Variants in PDLIM5 observed in about 807,000 individuals in gnomAD.
PDLIM5 encodes PDZ and LIM domain protein 5.
In PDLIM5, 34 loss-of-function variants were observed where a neutral mutation model predicts 64.2. The observed-to-expected ratio is 0.53, with a 90% CI of 0.40 to 0.71. The LOEUF (loss-of-function observed/expected upper bound fraction) is 0.71. Ranked by LOEUF, PDLIM5 falls within the 30% of genes least tolerant of loss-of-function variation. The pLI is 0.00. For missense variants in PDLIM5, 683 were observed against 733.6 expected (o/e 0.93, Z 0.80); for synonymous variants, 253 against 269.1 (o/e 0.94, Z 0.59).
chr4:94,455,878 A>C (rs1264933895), intron 2 of PDLIM5: 1 of 1,406,424 alleles, frequency 7.1e-7, no homozygotes, highest in African/African-American at 1.4e-5. Flanking sequence ...CTTACCCTTG[A>C]AGAGGAAATG....
At chr4:94,495,552 A>G (rs142940180) in intron 2 of PDLIM5, among the ~76,000 whole-genome samples, 8 of 152,216 alleles carry the variant, frequency 5.3e-5, no homozygotes, top group African/African-American at 9.6e-5. Flanking sequence ...AAAGATGCAT[A>G]TGCTAGGAAC....
At chr4:94,549,901 C>T (rs1212329038) in intron 3 of PDLIM5, 1 of 151,738 alleles carries the variant, frequency 6.6e-6, no homozygotes, top group Non-Finnish European at 1.5e-5. Context: ...GGTGACAGAA[C>T]AAGACTCCGT....
chr4:94,604,313 C>T (rs142852150), intron 7 of PDLIM5, among the ~76,000 whole-genome samples: 3 of 152,172 alleles, frequency 2.0e-5, no homozygotes, highest in East Asian at 3.9e-4. Flanking sequence ...TAGTCATCTT[C>T]GGGTCAGGCT....
chr4:94,606,481 G>A (rs991723561), intron 7 of PDLIM5, among the ~76,000 whole-genome samples: 1 of 152,138 alleles, frequency 6.6e-6, no homozygotes, highest in Non-Finnish European at 1.5e-5. Context: ...ACTGTGCAGA[G>A]GCCAGGAGGG....
intron 3 of PDLIM5, 135 bp downstream of exon 3, chr4:94,524,010 C>T: frequency 1.7e-6 from 1 of 590,800 alleles, no homozygotes; most frequent in East Asian, 2.7e-5. Flanking sequence ...TATAATGGCT[C>T]TTAAATTGGA....
chr4:94,495,087 C>A (rs1299068932), intron 2 of PDLIM5, among the ~76,000 whole-genome samples: 1 of 152,110 alleles, frequency 6.6e-6, no homozygotes, highest in Non-Finnish European at 1.5e-5. Context: ...TAGAACTGAC[C>A]ACTGTTTCTG....
intron 2 of PDLIM5, among the ~76,000 whole-genome samples, chr4:94,481,460 T>C (rs188796601): frequency 0.01 from 1,570 of 152,058 alleles, 14 homozygotes; most frequent in South Asian, 0.035. Flanking sequence ...ATTTTTGTAT[T>C]TTTAGTAGAG....
intron 12 of PDLIM5, 139 bp downstream of exon 12, chr4:94,662,676 C>T (rs10031423): frequency 0.53 from 243,266 of 457,152 alleles, 66,111 homozygotes; most frequent in Non-Finnish European, 0.57. Context: ...TTGTAAATTT[C>T]GAAAGTTGTT....
intron 3 of PDLIM5, among the ~76,000 whole-genome samples, chr4:94,552,874 C>T (rs2110214362): frequency 6.6e-6 from 1 of 152,144 alleles, no homozygotes; most frequent in South Asian, 2.1e-4. Flanking sequence ...ATGACATGGT[C>T]AGAAACTCTA....
At chr4:94,563,291 A>C (rs1280550710) in intron 3 of PDLIM5, among the ~76,000 whole-genome samples, 1 of 152,194 alleles carries the variant, frequency 6.6e-6, no homozygotes, top group Admixed American at 6.5e-5. Context: ...TGTGAAATTA[A>C]AGGCTCATCT....
intron 12 of PDLIM5, among the ~76,000 whole-genome samples, chr4:94,663,020 C>T (rs532923958): frequency 2.4e-4 from 37 of 152,164 alleles, no homozygotes; most frequent in African/African-American, 7.2e-4. Flanking sequence ...GTCCAATAAA[C>T]GTGATAAAGT....
intron 5 of PDLIM5, chr4:94,582,694 T>G (rs1426984445): frequency 1.3e-6 from 2 of 1,554,342 alleles, no homozygotes; most frequent in South Asian, 2.3e-5. Flanking sequence ...CATCTTTTTT[T>G]GTGTGTGTTA....
At chr4:94,512,130 C>T (rs1272303720) in intron 2 of PDLIM5, among the ~76,000 whole-genome samples, 2 of 151,998 alleles carry the variant, frequency 1.3e-5, no homozygotes, top group African/African-American at 4.8e-5. Context: ...AAGCGATTCT[C>T]CTGCCTCAGC....
At chr4:94,486,879 T>C (rs1726390517) in intron 2 of PDLIM5, among the ~76,000 whole-genome samples, 1 of 152,212 alleles carries the variant, frequency 6.6e-6, no homozygotes, top group South Asian at 2.1e-4. Context: ...GACTTATGCC[T>C]GTAGTTCCAG....
At chr4:94,611,618 G>A (rs1738374546) in intron 7 of PDLIM5, among the ~76,000 whole-genome samples, 1 of 152,082 alleles carries the variant, frequency 6.6e-6, no homozygotes, top group African/African-American at 2.4e-5. Flanking sequence ...TAAATATGAA[G>A]GTTTTGCTTG....
At chr4:94,505,835 A>C (rs543469583) in intron 2 of PDLIM5, among the ~76,000 whole-genome samples, 3 of 152,186 alleles carry the variant, frequency 2.0e-5, no homozygotes, top group Non-Finnish European at 4.4e-5. Context: ...CAGCTGTCCA[A>C]AAGATCTCTG....
Position 94,662,412 on chromosome 4 carries a change from C to T in PDLIM5, c.1586-10C>T. 1 of 1,267,132 alleles carries T rather than the reference C, an allele frequency of 7.9e-7. No homozygotes were observed. The highest frequency in any genetic ancestry group is 1.2e-6 in the Non-Finnish European group (1 of 863,642). The allele number at this position is 1,267,132 out of a possible 1,614,324, so 78.5% of individuals were successfully genotyped here. Reference sequence around the variant, plus strand: ...TTTAAATTATGTCTCTCTGCCCTCCCTTAATACAGATTATTATGCCCTCTT... The same window carrying T: ...TTTAAATTATGTCTCTCTGCCCTCCTTTAATACAGATTATTATGCCCTCTT... On this transcript the variant is annotated splice_polypyrimidine_tract_variant and intron_variant, in intron 11 of 12. Transcript: ENST00000317968.
chr4:94,460,686 T>G (rs1230155083), intron 2 of PDLIM5, among the ~76,000 whole-genome samples: 1 of 151,734 alleles, frequency 6.6e-6, no homozygotes, highest in East Asian at 1.9e-4. Context: ...AACGTTTTCA[T>G]GTAACTATTC....
chr4:94,600,467 T>C (rs1737406405), intron 7 of PDLIM5, among the ~76,000 whole-genome samples: 1 of 152,202 alleles, frequency 6.6e-6, no homozygotes, highest in Admixed American at 6.5e-5. Context: ...CGTATTCTTT[T>C]ATATTTTCAA....
Sources: gnomAD v4.1 joint callset for allele counts (sites outside exome capture counted in the v4.1 genomes callset) on GRCh38, gnomAD v4.1.1 for gene constraint, MANE v1.5 for transcripts, NCBI Gene and HGNC (gene_info 2026-07-23, HGNC 2026-07-21) for gene names.